Variants in ZNF91 observed in about 807,000 individuals in gnomAD.
ZNF91 encodes the protein zinc finger protein 91 (HPF7, HTF10).
In ZNF91, 7 loss-of-function variants were observed where a neutral mutation model predicts 12.6. That is an observed-to-expected ratio of 0.55 (90% CI 0.31 to 1.04). ZNF91 has a LOEUF of 1.04. Ranked by LOEUF, ZNF91 falls within the 50% of genes least tolerant of loss-of-function variation. The pLI is 0.05. For missense variants in ZNF91, 1,217 were observed against 1,385.4 expected (o/e 0.88, Z 1.93); for synonymous variants, 453 against 462.6 (o/e 0.98, Z 0.27).
Position 23,362,516 on chromosome 19 carries a change from G to A in ZNF91, c.463C>T (p.Gln155Ter), listed in dbSNP as rs1968848081. ...AAGACTTTCAAATATTTCCCACATT[G>A]AAATACTTTGCTCTGGGCAGTTGTG... ...CLTTAQSKVFQCGKYLKVFYK... is the reference protein window; with the variant it reads ...CLTTAQSKVF Residue 155 changes from glutamine (Q) to a stop codon, truncating the protein, a stop_gained, in exon 4 of 4, where the codon CAA becomes TAA. Coordinates refer to ENST00000300619, the MANE Select transcript of ZNF91 (RefSeq NM_003430.4). LOFTEE classifies it low-confidence loss of function (END_TRUNC). The A allele has an allele frequency of 1.2e-6, 2 of 1,603,276 alleles. No homozygotes were observed. The highest frequency in any genetic ancestry group is 1.1e-5 in the South Asian group (1 of 89,520).
chr19:23,363,536 A>G (rs1014705675), intron 3 of ZNF91, among the ~76,000 whole-genome samples: 13 of 152,240 alleles, frequency 8.5e-5, no homozygotes, highest in Admixed American at 8.5e-4. Flanking sequence ...AGAAATTCCC[A>G]TAATCATTAG....
chr19:23,313,553 T>A (rs1364187806), upstream of ZNF91, among the ~76,000 whole-genome samples: 2 of 152,194 alleles, frequency 1.3e-5, 1 homozygote, highest in Admixed American at 1.3e-4. Flanking sequence ...GGGCTTGGCA[T>A]CCAGGTGAGG....
At position 23,374,647 on chromosome 19, in the gene ZNF91, C is replaced by T; in HGVS notation, c.148G>A (p.Ala50Thr). The T allele has an allele frequency of 6.2e-7, 1 of 1,611,120 alleles. No individual in the cohort carries two copies. The highest frequency in any genetic ancestry group is 8.5e-7 in the Non-Finnish European group (1 of 1,178,590). Reference sequence around the variant, plus strand: ...TTAAAGTTTTCCTTACCCAGGAAGGCCAGGTTTCTGTAGTTCTCTAACATC... The same window carrying T: ...TTAAAGTTTTCCTTACCCAGGAAGGTCAGGTTTCTGTAGTTCTCTAACATC... ...NVMLENYRNL[A>T]FLGIALSKPD... The change falls in exon 2 of 4, where the codon GCC (alanine) becomes ACC (threonine). Residue 50 changes from alanine to threonine, a missense_variant. Around this residue, in one of 2 missense-constraint regions of ZNF91, gnomAD observed 726 missense variants for 895.5 expected, o/e 0.81. Coordinates refer to ENST00000300619, the MANE Select transcript of ZNF91 (RefSeq NM_003430.4).
Position 23,360,058 on chromosome 19 carries a change from G to A in ZNF91, c.2921C>T (p.Ala974Val), listed in dbSNP as rs1485609216. ...KPYKCEECGK[A>V]FRKSSTLTEH... ...AGTAAGAGTTGAAGATTTCCTAAAA[G>A]CTTTGCCACATTCTTCACATTTGTA... The change falls in exon 4 of 4, where the codon GCT (alanine) becomes GTT (valine). Residue 974 changes from alanine to valine, a missense_variant. By Grantham distance (64) the Ala-to-Val change is moderately conservative. This residue lies in a region of ZNF91 where 491 missense variants were observed against 489.8 expected (regional missense o/e 1.00). Transcript: ENST00000300619. The A allele has an allele frequency of 1.9e-6, 3 of 1,613,260 alleles. No homozygotes were observed. In the Admixed American group the frequency reaches 5.0e-5, roughly 27 times the overall value.
chr19:23,364,813 T>C (rs577443136), intron 3 of ZNF91, among the ~76,000 whole-genome samples: 2 of 152,172 alleles, frequency 1.3e-5, no homozygotes, highest in South Asian at 4.1e-4. Context: ...ACAACGATAA[T>C]ATTTATACAG....
At chr19:23,375,440 T>A (rs996500524) in intron 1 of ZNF91, among the ~76,000 whole-genome samples, 7 of 152,232 alleles carry the variant, frequency 4.6e-5, no homozygotes, top group Non-Finnish European at 7.3e-5. Flanking sequence ...ATTACAGGCA[T>A]GAGCCACCAT....
intron 1 of ZNF91, among the ~76,000 whole-genome samples, chr19:23,393,550 G>T (rs2145148262): frequency 6.6e-6 from 1 of 152,152 alleles, no homozygotes; most frequent in South Asian, 2.1e-4. Context: ...AAACATTCTG[G>T]TAAGATAGCT....
At chr19:23,390,031 C>T (rs1970008164) in intron 1 of ZNF91, among the ~76,000 whole-genome samples, 1 of 152,170 alleles carries the variant, frequency 6.6e-6, no homozygotes, top group Non-Finnish European at 1.5e-5. Flanking sequence ...AAAGATACAA[C>T]CCGGGACAGG....
intron 1 of ZNF91, chr19:23,384,717 T>C (rs1969819366): frequency 3.3e-6 from 2 of 607,426 alleles, no homozygotes; most frequent in Non-Finnish European, 6.0e-6. Context: ...AAGGGAACAA[T>C]GAGCTTTTAC....
intron 3 of ZNF91, among the ~76,000 whole-genome samples, chr19:23,349,915 C>T (rs295381): frequency 0.29 from 44,260 of 151,816 alleles, 6,748 homozygotes; most frequent in East Asian, 0.38. Context: ...GCCTCCGCAA[C>T]GGATCATCGA....
intron 1 of ZNF91, among the ~76,000 whole-genome samples, chr19:23,394,409 G>A (rs190174556): frequency 2.4e-4 from 36 of 152,226 alleles, no homozygotes; most frequent in African/African-American, 7.9e-4. Context: ...GATTACATAA[G>A]AAGGATATTT....
At chr19:23,366,357 T>C (rs1347965546) in intron 3 of ZNF91, among the ~76,000 whole-genome samples, 1 of 152,216 alleles carries the variant, frequency 6.6e-6, no homozygotes, top group Non-Finnish European at 1.5e-5. Context: ...TTCTATAGAA[T>C]ATTTAAAACA....
At chr19:23,371,634 A>T (rs1969283547) in intron 3 of ZNF91, among the ~76,000 whole-genome samples, 2 of 152,220 alleles carry the variant, frequency 1.3e-5, no homozygotes, top group South Asian at 4.1e-4. Context: ...GAAAATAATG[A>T]AAGAAATGTT....
At chr19:23,366,888 A>C (rs999389394) in intron 3 of ZNF91, among the ~76,000 whole-genome samples, 7 of 152,234 alleles carry the variant, frequency 4.6e-5, no homozygotes, top group African/African-American at 1.7e-4. Context: ...TTATAGACCA[A>C]CTAGGTTTAA....
At chr19:23,393,252 A>G (rs977180311) in intron 1 of ZNF91, among the ~76,000 whole-genome samples, 5 of 152,158 alleles carry the variant, frequency 3.3e-5, no homozygotes, top group African/African-American at 1.2e-4. Context: ...GGTGAAGGCA[A>G]TATTAATGTC....
In ZNF91 at chr19:23,384,835, G is replaced by A. The variant is rs1568402765; in HGVS notation, c.31-10071C>T. On this transcript the variant is annotated intron_variant, in intron 1 of 3. Transcript: ENST00000300619. ...GTTCACAGAAACACCCTCCTCAGTGGTCAAAAATACCATCTCCCTCACGAT... is the reference window on the plus strand; with the variant it reads ...GTTCACAGAAACACCCTCCTCAGTGATCAAAAATACCATCTCCCTCACGAT... 5.6e-6 allele frequency: 4 copies of A among 714,942 alleles called. No individual in the cohort carries two copies. In the East Asian group the frequency reaches 7.6e-5, roughly 14 times the overall value. 44.3% of individuals were successfully genotyped at this position (714,942 alleles called of 1,614,324 possible).
intron 3 of ZNF91, among the ~76,000 whole-genome samples, chr19:23,364,385 T>C (rs959449060): frequency 6.6e-6 from 1 of 151,960 alleles, no homozygotes; most frequent in African/African-American, 2.4e-5. Context: ...GCAGTGGTTG[T>C]GGTGAGCCGA....
rs1968138766 is a variant in ZNF91, at chr19:23,342,169, C to T, written c.254-3115G>A. Reference sequence around the variant, plus strand: ...TATCTGCTTCATTCATGCTTACCTACCTGAGAAGCTGACTACTGTCTCATG... The same window carrying T: ...TATCTGCTTCATTCATGCTTACCTATCTGAGAAGCTGACTACTGTCTCATG... On this transcript the variant is annotated intron_variant, in intron 3 of 3. Coordinates refer to the ZNF91 transcript ENST00000599743. 7 of 485,262 alleles carry T rather than the reference C, an allele frequency of 1.4e-5. No individual in the cohort carries two copies. In the East Asian group the frequency reaches 2.2e-4, roughly 15 times the overall value. 30.1% of individuals were successfully genotyped at this position (485,262 alleles called of 1,614,324 possible).
At chr19:23,385,249 T>C in intron 1 of ZNF91, 1 of 545,972 alleles carries the variant, frequency 1.8e-6, no homozygotes, top group Non-Finnish European at 3.3e-6. Flanking sequence ...TATTGGGCCC[T>C]CACTTTTGGA....
Sources: gnomAD v4.1 joint callset for allele counts (sites outside exome capture counted in the v4.1 genomes callset) on GRCh38, gnomAD v4.1.1 for gene constraint, gnomAD v4.1.1 regional missense constraint, MANE v1.5 for transcripts, NCBI Gene and HGNC (gene_info 2026-07-23, HGNC 2026-07-21) for gene names.